SP4: variants seen among roughly 807,000 people sequenced by gnomAD.
The protein encoded by SP4 is transcription factor Sp4.
A neutral mutation model predicts 72.8 loss-of-function variants in SP4; 19 were observed. The observed-to-expected ratio is 0.26, with a 90% CI of 0.18 to 0.38. The LOEUF (loss-of-function observed/expected upper bound fraction) is 0.38, where lower values mean the gene tolerates loss of function less well. Among genes scored for constraint, SP4 ranks in the 10% least tolerant of loss-of-function variants. The probability of loss-of-function intolerance (pLI) is 1.00; values close to 1 mark genes in which losing one functional copy is unlikely to be tolerated. For synonymous variants in SP4, 395 were observed against 333.1 expected, an observed-to-expected ratio of 1.19 and a Z score of -2.02; for missense variants, 1,008 against 926.3, an observed-to-expected ratio of 1.09 and a Z score of -1.14.
rs1375960807 is a variant in SP4, at chr7:21,511,832, GT to G, written c.*564del. 5 of 154,444 alleles carry G rather than the reference GT, an allele frequency of 3.2e-5. No homozygotes were observed. Among genetic ancestry groups the G allele is most frequent in the African/African-American group, 1.2e-4 (5 of 41,564 alleles). 9.6% of individuals were successfully genotyped at this position (154,444 alleles called of 1,614,324 possible). On this transcript the variant is annotated 3_prime_UTR_variant, in exon 6 of 6. Coordinates refer to ENST00000222584, the MANE Select transcript of SP4 (RefSeq NM_003112.5). ...GTTGAATTAGGTAAGTTCCAAAACA[GT>G]AATCTGAGATGCATCTCAGATCTTT...
At chr7:21,441,463 G>A (rs1783243206) in intron 3 of SP4, among the ~76,000 whole-genome samples, 1 of 152,110 alleles carries the variant, frequency 6.6e-6, no homozygotes, top group African/African-American at 2.4e-5. Flanking sequence ...TGTGTTTTTT[G>A]AACCATTTCC....
At chr7:21,491,294 T>G (rs1784971949) in intron 5 of SP4, among the ~76,000 whole-genome samples, 2 of 152,150 alleles carry the variant, frequency 1.3e-5, no homozygotes, top group Non-Finnish European at 2.9e-5. Context: ...AGATGCTCAG[T>G]AGCTAAGTGG....
chr7:21,514,627 G>A lies in SP4; in HGVS notation c.*3358G>A, dbSNP rs932155754. Reference sequence around the variant, plus strand: ...AATTATTCTGCCAGCAAAGCCTCTGGGGCTGTAATTGACATTTTTACAGTG... The same window carrying A: ...AATTATTCTGCCAGCAAAGCCTCTGAGGCTGTAATTGACATTTTTACAGTG... On this transcript the variant is annotated 3_prime_UTR_variant, in exon 6 of 6. Coordinates refer to ENST00000222584, the MANE Select transcript of SP4 (RefSeq NM_003112.5). 1.3e-5 allele frequency: 2 copies of A among 151,848 alleles called. No homozygotes were observed. The highest frequency in any genetic ancestry group is 1.5e-5 in the Non-Finnish European group (1 of 67,972). 9.4% of individuals were successfully genotyped at this position (151,848 alleles called of 1,614,324 possible). A position where few individuals can be genotyped will look rare whatever the true frequency, so the allele number is the denominator to read the frequency against.
chr7:21,502,597 A>T (rs531384230), intron 5 of SP4, among the ~76,000 whole-genome samples: 1 of 152,254 alleles, frequency 6.6e-6, no homozygotes, highest in South Asian at 2.1e-4. Context: ...CATGCATAGT[A>T]GTTACTCTTG....
intron 3 of SP4, among the ~76,000 whole-genome samples, chr7:21,467,407 A>G (rs1784199506): frequency 6.6e-6 from 1 of 152,150 alleles, no homozygotes; most frequent in Non-Finnish European, 1.5e-5. Context: ...GTGTATATTC[A>G]ATGGCTTTTG....
intron 3 of SP4, among the ~76,000 whole-genome samples, chr7:21,451,167 C>CT (rs1783586493): frequency 6.6e-6 from 1 of 152,142 alleles, no homozygotes; most frequent in Admixed American, 6.5e-5. Context: ...CCTTACCAGT[C>CT]TAGTGCTCAT....
chr7:21,500,466 C>T (rs1007459959), intron 5 of SP4, among the ~76,000 whole-genome samples: 1 of 152,202 alleles, frequency 6.6e-6, no homozygotes, highest in Non-Finnish European at 1.5e-5. Context: ...GTGCTCTGCT[C>T]AGTTTCTCAC....
chr7:21,498,641 A>G (rs1217955494), intron 5 of SP4, among the ~76,000 whole-genome samples: 2 of 152,210 alleles, frequency 1.3e-5, no homozygotes, highest in African/African-American at 4.8e-5. Flanking sequence ...ACCCTCAAGC[A>G]TTTGAAAATT....
rs114686531 is a variant in SP4 at position 21,447,913 on chromosome 7, A to T, written c.1678+17070A>T. On this transcript the variant is annotated intron_variant, in intron 3 of 5. Transcript: ENST00000222584. ...TGGCTAGCCTGGGCTTGAATTCCTG[A>T]CCTCAAGTGATCCTCTCGCTTCGGC... Among the ~76,000 whole-genome samples the T allele has an allele frequency of 9.5e-3, 1,452 of 152,226 alleles. 29 individuals carry two copies. Among genetic ancestry groups the T allele is most frequent in the African/African-American group, 0.034 (1,399 of 41,516 alleles).
At chr7:21,469,966 A>T (rs1485225714) in intron 3 of SP4, among the ~76,000 whole-genome samples, 1 of 152,128 alleles carries the variant, frequency 6.6e-6, no homozygotes, top group Non-Finnish European at 1.5e-5. Flanking sequence ...AGTAGTACAT[A>T]GTTTCAGAAC....
intron 3 of SP4, 37 bp downstream of exon 3, chr7:21,430,880 G>T (rs767253640): frequency 9.1e-6 from 13 of 1,436,434 alleles, no homozygotes; most frequent in Non-Finnish European, 9.5e-6. Context: ...CTTTTAAATA[G>T]TTTTTCATAA....
intron 5 of SP4, among the ~76,000 whole-genome samples, chr7:21,508,791 G>A (rs992765522): frequency 6.6e-6 from 1 of 151,078 alleles, no homozygotes; most frequent in Non-Finnish European, 1.5e-5. Context: ...CCTGGGGTCA[G>A]GGCCTTGTCT....
In SP4 at chr7:21,502,049, C is replaced by CT. The variant is rs1554301421; in HGVS notation, c.2108-8973_2108-8972insT. On this transcript the variant is annotated intron_variant, in intron 5 of 5. Transcript: ENST00000222584. ...CTTAAATTCATTAGGCACCCCCCCC[C>CT]CCCCGGAACTCCTATAGAGTTAACA... 2.5e-5 allele frequency among the ~76,000 whole-genome samples: 3 copies of CT among 118,222 alleles called. 1 individual carries two copies. The highest frequency in any genetic ancestry group is 2.5e-4 in the Admixed American group (3 of 12,150). The allele number at this position is 118,222 out of a possible 152,430, so 77.6% of individuals were successfully genotyped here. A position where few individuals can be genotyped will look rare whatever the true frequency, so the allele number is the denominator to read the frequency against.
intron 3 of SP4, among the ~76,000 whole-genome samples, chr7:21,444,469 T>G (rs1333794547): frequency 1.3e-5 from 2 of 152,192 alleles, no homozygotes; most frequent in African/African-American, 4.8e-5. Flanking sequence ...GTATAAAAAC[T>G]GAGGCCTATA....
intron 5 of SP4, among the ~76,000 whole-genome samples, chr7:21,484,146 A>G (rs1784756367): frequency 6.6e-6 from 1 of 151,932 alleles, no homozygotes; most frequent in South Asian, 2.1e-4. Context: ...TGATATACAC[A>G]TAAAGTAGTA....
At position 21,458,464 on chromosome 7, in the gene SP4, G is replaced by A. The variant is rs748652387; in HGVS notation, c.1679-18615G>A. ...CTCCCAAAGTGCTGGGAGTACAGCC[G>A]TGAGCCACTGCGTCCGGCCAGTTTA... On this transcript the variant is annotated intron_variant, in intron 3 of 5. Transcript: ENST00000222584. Among the ~76,000 whole-genome samples the A allele has an allele frequency of 2.0e-5, 3 of 152,128 alleles. 1 individual carries two copies. Among genetic ancestry groups the A allele is most frequent in the African/African-American group, 4.8e-5 (2 of 41,422 alleles).
In SP4 at chr7:21,429,287, A is replaced by G. The variant is rs781352417; in HGVS notation, c.124-2A>G. The G allele has an allele frequency of 2.2e-6, 3 of 1,342,714 alleles. No homozygotes were observed. Among genetic ancestry groups the G allele is most frequent in the Non-Finnish European group, 3.1e-6 (3 of 969,016 alleles). The allele number at this position is 1,342,714 out of a possible 1,614,324, so 83.2% of individuals were successfully genotyped here. A position where few individuals can be genotyped will look rare whatever the true frequency, so the allele number is the denominator to read the frequency against. ...TCTCCTTTACCGTCCCATTTTGGGT[A>G]GGACTCTCAGCCCTCTCCTCTGGCT... is the stretch of plus-strand genomic sequence containing the variant. On this transcript the variant is annotated splice_acceptor_variant, in intron 2 of 5. Transcript: ENST00000222584. LOFTEE classifies it high-confidence loss of function.
At chr7:21,459,041 A>G (rs1055965190) in intron 3 of SP4, among the ~76,000 whole-genome samples, 38 of 152,342 alleles carry the variant, frequency 2.5e-4, no homozygotes, top group Non-Finnish European at 4.4e-4. Flanking sequence ...AGCACTGAGC[A>G]TTAGTTCTGT....
chr7:21,428,197 CCCA>C lies in SP4; in HGVS notation c.-52_-50del. The C allele has an allele frequency of 9.5e-7, 1 of 1,048,490 alleles. No individual in the cohort carries two copies. The highest frequency in any genetic ancestry group is 1.6e-5 in the African/African-American group (1 of 61,636). 64.9% of individuals were successfully genotyped at this position (1,048,490 alleles called of 1,614,324 possible). A position where few individuals can be genotyped will look rare whatever the true frequency, so the allele number is the denominator to read the frequency against. ...CCTCTCCTCCCGCCTCGCCCCCACCCCCACCCACCTCTATCCCAGTGTCTCCGT... is the reference window on the plus strand; with the variant it reads ...CCTCTCCTCCCGCCTCGCCCCCACCCCCCACCTCTATCCCAGTGTCTCCGT... On this transcript the variant is annotated 5_prime_UTR_variant, in exon 1 of 6. Transcript: ENST00000222584.
Sources: gnomAD v4.1 joint callset for allele counts (sites outside exome capture counted in the v4.1 genomes callset) on GRCh38, gnomAD v4.1.1 for gene constraint, MANE v1.5 for transcripts, NCBI Gene and HGNC (gene_info 2026-07-23, HGNC 2026-07-21) for gene names.